VDR: variants seen among roughly 807,000 people sequenced by gnomAD.
The protein encoded by VDR is vitamin D receptor, also known as vitamin D3 receptor.
VDR carries 19 observed loss-of-function variants against 39.7 expected under a neutral mutation model. That is an observed-to-expected ratio of 0.48 (90% CI 0.33 to 0.70). VDR has a LOEUF of 0.70. VDR is among the 30% of genes least tolerant of loss of function. The probability of loss-of-function intolerance (pLI) is 0.02; values close to 1 mark genes in which losing one functional copy is unlikely to be tolerated. For synonymous variants in VDR, 242 were observed against 215.8 expected, an observed-to-expected ratio of 1.12 and a Z score of -1.07; for missense variants, 442 against 570.5, an observed-to-expected ratio of 0.77 and a Z score of 2.29.
At chr12:47,879,540 GC>G (rs1946097911) in intron 2 of VDR, among the ~76,000 whole-genome samples, 1 of 152,136 alleles carries the variant, frequency 6.6e-6, no homozygotes, top group South Asian at 2.1e-4. Flanking sequence ...CTTCTATCCT[GC>G]CCAACGCCCC....
chr12:47,853,299 C>T (rs986501006), intron 7 of VDR, among the ~76,000 whole-genome samples: 8 of 151,886 alleles, frequency 5.3e-5, no homozygotes, highest in African/African-American at 1.5e-4. Context: ...AAAAATTAGC[C>T]GGGCGTAGTG....
chr12:47,854,692 C>G (rs566518285), intron 7 of VDR, among the ~76,000 whole-genome samples: 1 of 152,356 alleles, frequency 6.6e-6, no homozygotes, highest in Non-Finnish European at 1.5e-5. Context: ...CATGCTGGCT[C>G]CAACACCTGG....
At chr12:47,872,975 G>T (rs531502767) in intron 3 of VDR, among the ~76,000 whole-genome samples, 2 of 152,308 alleles carry the variant, frequency 1.3e-5, no homozygotes, top group African/African-American at 4.8e-5. Flanking sequence ...CTTGCTTTAA[G>T]TCACAGCTAG....
chr12:47,877,648 C>T (rs1946034523), intron 3 of VDR, among the ~76,000 whole-genome samples: 1 of 152,104 alleles, frequency 6.6e-6, no homozygotes, highest in Admixed American at 6.5e-5. Context: ...AGGCAGCCCC[C>T]CAAGTTAGAG....
At chr12:47,877,434 T>C (rs1946030744) in intron 3 of VDR, among the ~76,000 whole-genome samples, 2 of 152,190 alleles carry the variant, frequency 1.3e-5, no homozygotes, top group South Asian at 4.1e-4. Context: ...ATTAACACTA[T>C]GTAGCAGAGG....
intron 9 of VDR, 33 bp from the exon 10 acceptor site, chr12:47,845,038 G>A (rs1264986559): frequency 6.2e-7 from 1 of 1,605,662 alleles, no homozygotes; most frequent in Admixed American, 1.7e-5. Flanking sequence ...GAAGGCACAG[G>A]AGCTCTCAGC....
chr12:47,848,360 C>T (rs1021476771), intron 7 of VDR, among the ~76,000 whole-genome samples: 4 of 151,860 alleles, frequency 2.6e-5, no homozygotes, highest in Non-Finnish European at 5.9e-5. Flanking sequence ...TACTACAGCT[C>T]CAGCCAGGAA....
In VDR at chr12:47,844,488, T is replaced by A; in HGVS notation, c.*258A>T. The A allele has an allele frequency of 1.7e-6, 1 of 594,198 alleles. No homozygotes were observed. The highest frequency in any genetic ancestry group is 3.0e-6 in the Non-Finnish European group (1 of 334,802). The allele number at this position is 594,198 out of a possible 1,614,324, so 36.8% of individuals were successfully genotyped here. ...AAGGCCCTGCCTCCAGCCTCTGCCC[T>A]CTGCCCCCACTTGGGTTTCTTTGTC... On this transcript the variant is annotated 3_prime_UTR_variant, in exon 10 of 10. Transcript: ENST00000549336.
At chr12:47,864,938 TAC>T (rs1235198542) in intron 4 of VDR, 107 bp downstream of exon 4, 4 of 1,571,734 alleles carry the variant, frequency 2.5e-6, no homozygotes, top group Non-Finnish European at 3.5e-6. Flanking sequence ...TGCTGGCAGC[TAC>T]AGAGGAAGGG....
chr12:47,854,956 G>A (rs2137140098), intron 7 of VDR, among the ~76,000 whole-genome samples: 2 of 152,252 alleles, frequency 1.3e-5, no homozygotes, highest in Admixed American at 1.3e-4. Flanking sequence ...ACTTTGGGAG[G>A]CTGAGGTGGG....
chr12:47,890,208 C>T (rs1324137716), intron 1 of VDR, among the ~76,000 whole-genome samples: 1 of 151,788 alleles, frequency 6.6e-6, no homozygotes, highest in Admixed American at 6.6e-5. Context: ...ACTCCTGCTC[C>T]TCAGAGGTCA....
chr12:47,848,046 C>G (rs1188743337), intron 7 of VDR, among the ~76,000 whole-genome samples: 3 of 152,080 alleles, frequency 2.0e-5, no homozygotes, highest in Non-Finnish European at 4.4e-5. Context: ...ACTACAGGTG[C>G]CCGCCACCAT....
At chr12:47,871,074 C>G (rs1366523623) in intron 3 of VDR, among the ~76,000 whole-genome samples, 1 of 152,088 alleles carries the variant, frequency 6.6e-6, no homozygotes, top group Non-Finnish European at 1.5e-5. Flanking sequence ...TAGAAAAGAG[C>G]ACAGACTTTT....
intron 3 of VDR, among the ~76,000 whole-genome samples, chr12:47,868,261 C>CTGTT (rs562617524): frequency 6.6e-6 from 1 of 152,234 alleles, no homozygotes; most frequent in Non-Finnish European, 1.5e-5. Flanking sequence ...GAAGCAGCTG[C>CTGTT]TGTTGGTTTT....
chr12:47,877,518 G>A lies in VDR; in HGVS notation c.146+1450C>T, dbSNP rs377630151. Reference sequence around the variant, plus strand: ...AGATATGTCAAGGACATCCATTTGAGCAAGGACATCCCATAAATTATTGCC... The same window carrying A: ...AGATATGTCAAGGACATCCATTTGAACAAGGACATCCCATAAATTATTGCC... On this transcript the variant is annotated intron_variant, in intron 3 of 9. Coordinates refer to ENST00000549336, the MANE Select transcript of VDR (RefSeq NM_000376.3). 3.2e-4 allele frequency among the ~76,000 whole-genome samples: 49 copies of A among 152,236 alleles called. No individual in the cohort carries two copies. In the East Asian group the frequency reaches 7.3e-3, roughly 23 times the overall value.
Position 47,882,789 on chromosome 12 carries a change from G to C in VDR, c.-83-15C>G, listed in dbSNP as rs1025532401. ...CCCAAAGGCTTCTGAAATGAAGAAGGGGAAACCTTTTATCTAAGGCGGAGC... is the reference window on the plus strand; with the variant it reads ...CCCAAAGGCTTCTGAAATGAAGAAGCGGAAACCTTTTATCTAAGGCGGAGC... On this transcript the variant is annotated splice_polypyrimidine_tract_variant and intron_variant, in intron 1 of 9. Transcript: ENST00000549336. The C allele has an allele frequency of 2.6e-5, 40 of 1,533,508 alleles. No homozygotes were observed. The highest frequency in any genetic ancestry group is 1.7e-4 in the Middle Eastern group (1 of 5,884). The allele number at this position is 1,533,508 out of a possible 1,614,324, so 95.0% of individuals were successfully genotyped here. A position where few individuals can be genotyped will look rare whatever the true frequency, so the allele number is the denominator to read the frequency against.
Position 47,867,216 on chromosome 12 carries a change from C to T in VDR, c.147-2039G>A, listed in dbSNP as rs572847605. On this transcript the variant is annotated intron_variant, in intron 3 of 9. Transcript: ENST00000549336. ...TAAAAATACAAAAATTAGCCGGGCA[C>T]GGTGGCACATGCCTATAGTCCCCGC... Among the ~76,000 whole-genome samples the T allele has an allele frequency of 2.4e-3, 366 of 151,992 alleles. 1 individual carries two copies. The highest frequency in any genetic ancestry group is 6.8e-3 in the Middle Eastern group (2 of 294).
Position 47,844,492 on chromosome 12 carries a change from C to T in VDR, c.*254G>A, listed in dbSNP as rs1328486781. The stretch of plus-strand genomic sequence containing the variant: ...CCCTGCCTCCAGCCTCTGCCCTCTG[C>T]CCCCACTTGGGTTTCTTTGTCAAAC... On this transcript the variant is annotated 3_prime_UTR_variant, in exon 10 of 10. Transcript: ENST00000549336. 3.3e-6 allele frequency: 2 copies of T among 597,182 alleles called. No individual in the cohort carries two copies. The highest frequency in any genetic ancestry group is 1.9e-5 in the African/African-American group (1 of 53,800). The allele number at this position is 597,182 out of a possible 1,614,324, so 37.0% of individuals were successfully genotyped here.
chr12:47,882,623 G>GT, intron 2 of VDR, 71 bp downstream of exon 2: 3 of 543,280 alleles, frequency 5.5e-6, no homozygotes, highest in Admixed American at 3.4e-5. Flanking sequence ...ACCTTCTTAT[G>GT]CCCCTCCCCC....
Sources: allele counts gnomAD v4.1 joint callset (sites outside exome capture counted in the v4.1 genomes callset), GRCh38; gene constraint gnomAD v4.1.1; transcripts MANE v1.5; gene names NCBI Gene and HGNC (gene_info 2026-07-23, HGNC 2026-07-21).